The following OLA1 variants were observed in gnomAD, a reference collection of about 807,000 sequenced individuals.
OLA1 encodes the protein Obg like ATPase 1, also known as obg-like ATPase 1.
A neutral mutation model predicts 48.4 loss-of-function variants in OLA1; 14 were observed. That is an observed-to-expected ratio of 0.29 (90% CI 0.19 to 0.45). The LOEUF is 0.45. OLA1 is among the 20% of genes least tolerant of loss of function. The probability of loss-of-function intolerance (pLI) is 1.00; values close to 1 mark genes in which losing one functional copy is unlikely to be tolerated. For synonymous variants in OLA1, 127 were observed against 150.4 expected (o/e 0.84, Z 1.14); for missense variants, 325 against 467.1 (o/e 0.70, Z 2.80).
At chr2:174,107,483 T>A (rs1290318005) in intron 7 of OLA1, among the ~76,000 whole-genome samples, 1 of 152,088 alleles carries the variant, frequency 6.6e-6, no homozygotes, top group African/African-American at 2.4e-5. Context: ...ATAGGTAACA[T>A]TCGAGTAGTG....
Position 174,210,520 on chromosome 2 carries a change from A to C in OLA1, c.373+12513T>G, listed in dbSNP as rs372131053. On this transcript the variant is annotated intron_variant, in intron 4 of 10. Coordinates refer to ENST00000284719, the MANE Select transcript of OLA1 (RefSeq NM_013341.5). ...AAAGGAGTGCAAAACTGATAAAACC[A>C]AAACTGTCTACTCATAAGGTATAAG... 1.2e-4 allele frequency among the ~76,000 whole-genome samples: 19 copies of C among 152,320 alleles called. 1 individual carries two copies. In the South Asian group the frequency reaches 3.7e-3, roughly 30 times the overall value.
chr2:174,223,979 A>G (rs10432477), intron 3 of OLA1, among the ~76,000 whole-genome samples: 19,405 of 152,184 alleles, frequency 0.13, 1,446 homozygotes, highest in East Asian at 0.21. Context: ...AATAAATAAA[A>G]GCTACTTTTA....
chr2:174,122,726 C>T (rs1451442193), intron 7 of OLA1, among the ~76,000 whole-genome samples: 1 of 151,134 alleles, frequency 6.6e-6, no homozygotes, highest in African/African-American at 2.4e-5. Context: ...TGGTCTTTCC[C>T]CACACACAGT....
At chr2:174,128,378 T>G (rs1686094083) in intron 5 of OLA1, among the ~76,000 whole-genome samples, 2 of 151,134 alleles carry the variant, frequency 1.3e-5, no homozygotes, top group South Asian at 2.1e-4. Flanking sequence ...CCAGCCTGGG[T>G]GACAGAGCGA....
chr2:174,150,433 T>C (rs1291795074), intron 4 of OLA1, among the ~76,000 whole-genome samples: 1 of 152,208 alleles, frequency 6.6e-6, no homozygotes, highest in Non-Finnish European at 1.5e-5. Context: ...CTTTATAAAT[T>C]ACTCAGTCTC....
intron 7 of OLA1, among the ~76,000 whole-genome samples, chr2:174,098,373 G>A (rs1472784127): frequency 6.6e-6 from 1 of 152,136 alleles, no homozygotes; most frequent in Admixed American, 6.5e-5. Context: ...AAGTGCCACT[G>A]GCTTAATGGA....
At position 174,072,599 on chromosome 2, in the gene OLA1, A is replaced by C. The variant is rs374224564; in HGVS notation, c.*2827T>G. The C allele has an allele frequency of 4.6e-5, 7 of 152,370 alleles. No individual in the cohort carries two copies. Among genetic ancestry groups the C allele is most frequent in the East Asian group, 1.9e-4 (1 of 5,194 alleles). 9.4% of individuals were successfully genotyped at this position (152,370 alleles called of 1,614,324 possible). A position where few individuals can be genotyped will look rare whatever the true frequency, so the allele number is the denominator to read the frequency against. On this transcript the variant is annotated 3_prime_UTR_variant, in exon 11 of 11. Coordinates refer to ENST00000284719, the MANE Select transcript of OLA1 (RefSeq NM_013341.5). ...ATAAAAAGAGCATCAAGTGAATTTA[A>C]GTAGACTAATCAGAACAATAGAAGA...
chr2:174,102,060 T>G (rs1685408992), intron 7 of OLA1, among the ~76,000 whole-genome samples: 1 of 152,154 alleles, frequency 6.6e-6, no homozygotes, highest in Non-Finnish European at 1.5e-5. Flanking sequence ...TCAGGAATAA[T>G]GAAACTTGAA....
chr2:174,243,367 T>C (rs890436074), intron 2 of OLA1, among the ~76,000 whole-genome samples: 1 of 152,302 alleles, frequency 6.6e-6, no homozygotes, highest in Admixed American at 6.5e-5. Context: ...AGATTTAGGC[T>C]GCAGTGAGCC....
At chr2:174,108,913 C>T (rs1193854229) in intron 7 of OLA1, among the ~76,000 whole-genome samples, 1 of 152,178 alleles carries the variant, frequency 6.6e-6, no homozygotes. Flanking sequence ...TTTGTGTTCA[C>T]CATAATGGTG....
chr2:174,207,132 G>C (rs753111392), intron 4 of OLA1, among the ~76,000 whole-genome samples: 21 of 152,148 alleles, frequency 1.4e-4, no homozygotes, highest in Admixed American at 2.6e-4. Flanking sequence ...ACCTAAGTTG[G>C]GGGGGAGCAA....
At chr2:174,143,300 C>T (rs572732435) in intron 4 of OLA1, among the ~76,000 whole-genome samples, 17 of 152,170 alleles carry the variant, frequency 1.1e-4, no homozygotes, top group African/African-American at 4.1e-4. Context: ...TTATGTTTTA[C>T]TAACAAACAC....
At chr2:174,200,609 T>C (rs565272225) in intron 4 of OLA1, among the ~76,000 whole-genome samples, 2 of 152,136 alleles carry the variant, frequency 1.3e-5, no homozygotes, top group Admixed American at 6.5e-5. Context: ...AATATCAATA[T>C]GGATAACTGC....
chr2:174,118,850 G>A (rs1685844420), intron 7 of OLA1, among the ~76,000 whole-genome samples: 1 of 152,018 alleles, frequency 6.6e-6, no homozygotes, highest in Non-Finnish European at 1.5e-5. Context: ...ATACAAACAG[G>A]CCAAGGGAAA....
chr2:174,079,176 G>A, intron 9 of OLA1, 86 bp from the exon 10 acceptor site: 1 of 1,153,242 alleles, frequency 8.7e-7, no homozygotes, highest in Non-Finnish European at 1.2e-6. Flanking sequence ...ATCTGCAGTT[G>A]GGCTCAACTA....
chr2:174,198,716 C>T (rs1206231569), intron 4 of OLA1, among the ~76,000 whole-genome samples: 2 of 152,038 alleles, frequency 1.3e-5, no homozygotes, highest in Non-Finnish European at 1.5e-5. Context: ...GGGAGGCAGA[C>T]GTTGCAGTGA....
chr2:174,127,076 T>A (rs1686062115), intron 5 of OLA1, among the ~76,000 whole-genome samples: 1 of 152,242 alleles, frequency 6.6e-6, no homozygotes, highest in African/African-American at 2.4e-5. Context: ...GCTTCACATT[T>A]AAAATTAGAA....
chr2:174,184,185 G>C (rs564751146), intron 4 of OLA1, among the ~76,000 whole-genome samples: 13 of 152,248 alleles, frequency 8.5e-5, no homozygotes, highest in African/African-American at 2.6e-4. Context: ...TGCTTTAAGA[G>C]TGGCCCAAGT....
chr2:174,218,638 T>C (rs897410356), intron 4 of OLA1, among the ~76,000 whole-genome samples: 2 of 152,200 alleles, frequency 1.3e-5, no homozygotes, highest in African/African-American at 4.8e-5. Context: ...ATTTCTACTA[T>C]CTTGCATGTC....
Sources: gnomAD v4.1 joint callset for allele counts (sites outside exome capture counted in the v4.1 genomes callset) on GRCh38, gnomAD v4.1.1 for gene constraint, MANE v1.5 for transcripts, NCBI Gene and HGNC (gene_info 2026-07-23, HGNC 2026-07-21) for gene names.